Variants in ADGRL3 observed in about 807,000 individuals in gnomAD.
ADGRL3 encodes calcium-independent alpha-latrotoxin receptor 3.
Under a neutral mutation model 153.5 loss-of-function variants are expected in ADGRL3, and 62 were observed. The ratio of observed to expected loss-of-function variants is 0.40; its 90% CI spans 0.33 to 0.50. The LOEUF is 0.50. ADGRL3 is among the 20% of genes least tolerant of loss of function. The pLI is 0.47. For missense variants in ADGRL3, 1,641 were observed against 1,859.4 expected (o/e 0.88, Z 2.16); for synonymous variants, 710 against 672.5 (o/e 1.06, Z -0.86).
intron 1 of ADGRL3, among the ~76,000 whole-genome samples, chr4:61,337,358 G>T (rs535219803): frequency 2.0e-5 from 3 of 152,290 alleles, no homozygotes; most frequent in African/African-American, 4.8e-5. Context: ...AAGCAGGGAA[G>T]ATTTGTTTTC....
intron 1 of ADGRL3, among the ~76,000 whole-genome samples, chr4:61,371,099 C>G (rs1406209726): frequency 6.7e-6 from 1 of 149,950 alleles, no homozygotes; most frequent in Non-Finnish European, 1.5e-5. Context: ...CTTCCTCCAT[C>G]CTTTTATTTT....
At chr4:61,452,451 A>G (rs1318853097) in intron 2 of ADGRL3, among the ~76,000 whole-genome samples, 1 of 152,198 alleles carries the variant, frequency 6.6e-6, no homozygotes, top group East Asian at 1.9e-4. Flanking sequence ...TGGTAGCCAC[A>G]TTCATGATGA....
chr4:61,729,821 AT>A (rs1457828463), intron 6 of ADGRL3, among the ~76,000 whole-genome samples: 1 of 152,040 alleles, frequency 6.6e-6, no homozygotes, highest in Non-Finnish European at 1.5e-5. Flanking sequence ...TAATTATGGA[AT>A]TTAATTTGAA....
intron 1 of ADGRL3, among the ~76,000 whole-genome samples, chr4:61,263,652 T>C (rs963592752): frequency 3.3e-5 from 5 of 152,064 alleles, no homozygotes; most frequent in African/African-American, 1.2e-4. Context: ...TAATGAGACA[T>C]TCAATGCAGT....
intron 8 of ADGRL3, chr4:61,775,762 C>T (rs1353780156): frequency 2.7e-5 from 23 of 846,970 alleles, no homozygotes; most frequent in Non-Finnish European, 4.7e-5. Flanking sequence ...ACGTGCTAGG[C>T]AATCGTGGAT....
intron 2 of ADGRL3, among the ~76,000 whole-genome samples, chr4:61,445,925 G>T (rs2097576801): frequency 6.6e-6 from 1 of 152,156 alleles, no homozygotes; most frequent in South Asian, 2.1e-4. Flanking sequence ...TACATGTTTA[G>T]ATACACAAAT....
At chr4:61,332,444 C>T (rs1395756585) in intron 1 of ADGRL3, among the ~76,000 whole-genome samples, 2 of 152,046 alleles carry the variant, frequency 1.3e-5, no homozygotes, top group Admixed American at 6.6e-5. Context: ...ATGGAGGATG[C>T]AGTAAAAATG....
intron 1 of ADGRL3, among the ~76,000 whole-genome samples, chr4:61,205,657 T>G (rs546693607): frequency 5.9e-5 from 9 of 152,342 alleles, no homozygotes; most frequent in African/African-American, 2.2e-4. Context: ...ATTTTATAAT[T>G]AAATAAAAAG....
chr4:61,776,178 G>C (rs2097148181), intron 8 of ADGRL3, among the ~76,000 whole-genome samples: 1 of 152,174 alleles, frequency 6.6e-6, no homozygotes, highest in Non-Finnish European at 1.5e-5. Context: ...GGGATTACAG[G>C]CGTGAGCCAC....
At chr4:61,268,750 TTTGA>T (rs1019486525) in intron 1 of ADGRL3, among the ~76,000 whole-genome samples, 3 of 151,554 alleles carry the variant, frequency 2.0e-5, no homozygotes, top group African/African-American at 7.3e-5. Flanking sequence ...TAATGCATCA[TTTGA>T]TTGATTGAGC....
At chr4:61,575,778 T>A (rs772720073) in intron 4 of ADGRL3, among the ~76,000 whole-genome samples, 15 of 152,050 alleles carry the variant, frequency 9.9e-5, no homozygotes, top group Non-Finnish European at 1.6e-4. Flanking sequence ...TGTGTTTAAT[T>A]ATATGTTTAA....
At chr4:61,681,731 A>T (rs915202243) in intron 6 of ADGRL3, among the ~76,000 whole-genome samples, 1 of 152,140 alleles carries the variant, frequency 6.6e-6, no homozygotes, top group Non-Finnish European at 1.5e-5. Flanking sequence ...TTTAATTATA[A>T]ATGATTAAAT....
intron 13 of ADGRL3, among the ~76,000 whole-genome samples, chr4:61,916,715 G>A (rs987324534): frequency 7.2e-5 from 11 of 152,180 alleles, no homozygotes; most frequent in Non-Finnish European, 1.3e-4. Flanking sequence ...CACTTTGGAA[G>A]GCCAAGGTGG....
chr4:61,698,170 G>A (rs534403663), intron 6 of ADGRL3, among the ~76,000 whole-genome samples: 1 of 152,118 alleles, frequency 6.6e-6, no homozygotes, highest in African/African-American at 2.4e-5. Context: ...AAATTACTGA[G>A]GCCGGGCGTG....
intron 1 of ADGRL3, among the ~76,000 whole-genome samples, chr4:61,277,729 A>G (rs1373453300): frequency 3.3e-5 from 5 of 152,204 alleles, no homozygotes; most frequent in Non-Finnish European, 5.9e-5. Context: ...AAATAGGATA[A>G]TGATATCTAT....
At chr4:61,329,113 C>T (rs1229692620) in intron 1 of ADGRL3, among the ~76,000 whole-genome samples, 1 of 152,128 alleles carries the variant, frequency 6.6e-6, no homozygotes, top group East Asian at 1.9e-4. Context: ...CTGATTTTCT[C>T]CCTCTTCCTT....
intron 4 of ADGRL3, among the ~76,000 whole-genome samples, chr4:61,582,991 T>G (rs1159980039): frequency 6.6e-6 from 1 of 152,100 alleles, no homozygotes; most frequent in Non-Finnish European, 1.5e-5. Flanking sequence ...TGAATTCAAC[T>G]GATTATTAAC....
intron 5 of ADGRL3, among the ~76,000 whole-genome samples, chr4:61,669,966 T>C (rs1012010072): frequency 6.6e-6 from 1 of 152,216 alleles, no homozygotes; most frequent in Non-Finnish European, 1.5e-5. Context: ...CCCTGTGAAT[T>C]ACATTCCCAG....
chr4:61,322,457 T>C (rs2095378667), intron 1 of ADGRL3, among the ~76,000 whole-genome samples: 2 of 152,190 alleles, frequency 1.3e-5, no homozygotes, highest in African/African-American at 2.4e-5. Flanking sequence ...CAAAGTCTCA[T>C]CTGAGACAAG....
Sources: gnomAD v4.1 joint callset for allele counts (sites outside exome capture counted in the v4.1 genomes callset) on GRCh38, gnomAD v4.1.1 for gene constraint, MANE v1.5 for transcripts, NCBI Gene and HGNC (gene_info 2026-07-23, HGNC 2026-07-21) for gene names.